Variants in DOK6 observed in about 807,000 individuals in gnomAD.
The protein encoded by DOK6 is docking protein 6.
In DOK6, 22 loss-of-function variants were observed where a neutral mutation model predicts 44.0. The ratio of observed to expected loss-of-function variants is 0.50; its 90% CI spans 0.36 to 0.71. The LOEUF (loss-of-function observed/expected upper bound fraction) is 0.71. DOK6 is among the 30% of genes least tolerant of loss of function. The pLI is 0.00. For missense variants in DOK6, 340 were observed against 416.4 expected (o/e 0.82, Z 1.60); for synonymous variants, 166 against 145.5 (o/e 1.14, Z -1.01).
chr18:69,693,265 G>GAAGCAGAGGAAGA (rs1302918693), intron 4 of DOK6, among the ~76,000 whole-genome samples: 2 of 139,470 alleles, frequency 1.4e-5, no homozygotes, highest in Non-Finnish European at 3.0e-5. Flanking sequence ...CATGACTTCT[G>GAAGCAGAGGAAGA]AAGCAGAGGA....
intron 7 of DOK6, among the ~76,000 whole-genome samples, chr18:69,773,666 G>A (rs752814513): frequency 6.6e-6 from 1 of 151,980 alleles, no homozygotes; most frequent in Non-Finnish European, 1.5e-5. Context: ...AACAGAATGT[G>A]CTTACCAGGA....
chr18:69,655,761 CAAAAAAAAA>C, intron 3 of DOK6, among the ~76,000 whole-genome samples: 1 of 43,172 alleles, frequency 2.3e-5, no homozygotes, highest in African/African-American at 1.1e-4. Flanking sequence ...CCCCACCCCT[CAAAAAAAAA>C]AAAAAAAAAA....
intron 7 of DOK6, among the ~76,000 whole-genome samples, chr18:69,795,662 G>A (rs1329464412): frequency 6.6e-6 from 1 of 152,120 alleles, no homozygotes; most frequent in Non-Finnish European, 1.5e-5. Flanking sequence ...CAAAAGGCCA[G>A]GCCCTCTTTT....
At chr18:69,502,548 C>T (rs183847230) in intron 1 of DOK6, among the ~76,000 whole-genome samples, 5 of 152,210 alleles carry the variant, frequency 3.3e-5, no homozygotes, top group East Asian at 1.9e-4. Flanking sequence ...TGCAGAGAAG[C>T]TGTTCTAGTA....
At chr18:69,462,989 G>A (rs932370369) in intron 1 of DOK6, among the ~76,000 whole-genome samples, 2 of 152,188 alleles carry the variant, frequency 1.3e-5, no homozygotes, top group Admixed American at 1.3e-4. Context: ...TAAGCATTTT[G>A]AAATATATTT....
At chr18:69,651,935 A>C (rs1326649425) in intron 3 of DOK6, among the ~76,000 whole-genome samples, 1 of 129,172 alleles carries the variant, frequency 7.7e-6, no homozygotes, top group South Asian at 2.4e-4. Context: ...TAAAAAGGAA[A>C]CTAATTTAAG....
At chr18:69,682,062 T>C (rs1986057751) in intron 4 of DOK6, among the ~76,000 whole-genome samples, 1 of 152,222 alleles carries the variant, frequency 6.6e-6, no homozygotes, top group Non-Finnish European at 1.5e-5. Flanking sequence ...AAGATCTGTA[T>C]AACTTGTCTC....
intron 7 of DOK6, among the ~76,000 whole-genome samples, chr18:69,777,513 C>T (rs2364890): frequency 0.64 from 96,790 of 151,828 alleles, 32,770 homozygotes; most frequent in East Asian, 0.78. Flanking sequence ...TCTCTTTTAT[C>T]CAGGCCTGCA....
intron 1 of DOK6, among the ~76,000 whole-genome samples, chr18:69,463,411 T>A (rs1257196879): frequency 6.6e-6 from 1 of 151,916 alleles, no homozygotes; most frequent in Non-Finnish European, 1.5e-5. Context: ...GCCCTTGGCA[T>A]TTGGAGATGA....
intron 3 of DOK6, among the ~76,000 whole-genome samples, chr18:69,630,962 A>G (rs1156837506): frequency 2.0e-5 from 3 of 152,232 alleles, no homozygotes; most frequent in Non-Finnish European, 4.4e-5. Flanking sequence ...ACTGAAAAGT[A>G]GCTTGGCAAA....
intron 7 of DOK6, among the ~76,000 whole-genome samples, chr18:69,835,946 A>G (rs1435595491): frequency 6.6e-6 from 1 of 152,220 alleles, no homozygotes; most frequent in Non-Finnish European, 1.5e-5. Context: ...CTACAAAAAC[A>G]ATTTCCTTCA....
intron 7 of DOK6, among the ~76,000 whole-genome samples, chr18:69,776,034 T>A (rs1980052178): frequency 1.3e-5 from 2 of 151,938 alleles, no homozygotes; most frequent in African/African-American, 4.8e-5. Context: ...TAATTGTAGG[T>A]CAGTACTGTT....
In DOK6 at chr18:69,680,036, T is replaced by C. The variant is rs1986010568; in HGVS notation, c.409+2183T>C. On this transcript the variant is annotated intron_variant, in intron 4 of 7. Transcript: ENST00000382713. ...ACTTTACAGTGGACCTAAAATTATATCACCAGTGCTATAAATGCTTTTCTT... is the reference window on the plus strand; with the variant it reads ...ACTTTACAGTGGACCTAAAATTATACCACCAGTGCTATAAATGCTTTTCTT... Among the ~76,000 whole-genome samples, 3 of 152,166 alleles carry C rather than the reference T, an allele frequency of 2.0e-5. No homozygotes were observed. In the South Asian group the frequency reaches 6.2e-4, roughly 32 times the overall value.
chr18:69,641,114 G>A (rs1036993343), intron 3 of DOK6, among the ~76,000 whole-genome samples: 3 of 152,010 alleles, frequency 2.0e-5, no homozygotes, highest in African/African-American at 7.2e-5. Flanking sequence ...TACTCGGGAG[G>A]CTGAGGCAGG....
At chr18:69,416,247 C>T (rs188536886) in intron 1 of DOK6, among the ~76,000 whole-genome samples, 1 of 151,850 alleles carries the variant, frequency 6.6e-6, no homozygotes, top group Admixed American at 6.6e-5. Flanking sequence ...AGGGTGGGAG[C>T]AAGGAACAAA....
intron 1 of DOK6, among the ~76,000 whole-genome samples, chr18:69,526,750 C>T (rs1016421432): frequency 1.3e-5 from 2 of 152,118 alleles, no homozygotes; most frequent in African/African-American, 2.4e-5. Context: ...TATGGTCCAG[C>T]ATATGGTTGT....
intron 2 of DOK6, among the ~76,000 whole-genome samples, chr18:69,596,841 T>G (rs1983753443): frequency 6.6e-6 from 1 of 152,166 alleles, no homozygotes; most frequent in South Asian, 2.1e-4. Flanking sequence ...GTATATAATG[T>G]ACTTTTAGGC....
At chr18:69,437,857 C>A (rs924253203) in intron 1 of DOK6, among the ~76,000 whole-genome samples, 10 of 152,110 alleles carry the variant, frequency 6.6e-5, no homozygotes, top group Non-Finnish European at 8.8e-5. Flanking sequence ...AAGAGTCAAA[C>A]AAATTTGGAG....
At position 69,568,269 on chromosome 18, in the gene DOK6, C is replaced by T. The variant is rs903423204; in HGVS notation, c.174+3675C>T. 4.6e-5 allele frequency among the ~76,000 whole-genome samples: 7 copies of T among 152,290 alleles called. No individual in the cohort carries two copies. In the South Asian group the frequency reaches 6.2e-4, roughly 14 times the overall value. ...CTCCAAGCCAGGTAATGAGCCTTCC[C>T]GTGTTATGGCTACATAGCTGTGTTT... On this transcript the variant is annotated intron_variant, in intron 2 of 7. Coordinates refer to ENST00000382713, the MANE Select transcript of DOK6 (RefSeq NM_152721.6).
Sources: allele counts gnomAD v4.1 joint callset (sites outside exome capture counted in the v4.1 genomes callset), GRCh38; gene constraint gnomAD v4.1.1; transcripts MANE v1.5; gene names NCBI Gene and HGNC (gene_info 2026-07-23, HGNC 2026-07-21).